The following KREMEN1 variants were observed in gnomAD, a reference collection of about 807,000 sequenced individuals.
KREMEN1 encodes kringle containing transmembrane protein 1.
Under a neutral mutation model 46.5 loss-of-function variants are expected in KREMEN1, and 30 were observed. The ratio of observed to expected loss-of-function variants is 0.65; its 90% CI spans 0.48 to 0.88. The LOEUF (loss-of-function observed/expected upper bound fraction) is 0.88, where lower values mean the gene tolerates loss of function less well. Ranked by LOEUF, KREMEN1 falls within the 40% of genes least tolerant of loss-of-function variation. The pLI is 0.00. For synonymous variants in KREMEN1, 214 were observed against 230.6 expected (o/e 0.93, Z 0.65); for missense variants, 533 against 596.9 (o/e 0.89, Z 1.11).
chr22:29,094,044 T>C (rs2037840549), intron 1 of KREMEN1, among the ~76,000 whole-genome samples: 2 of 152,222 alleles, frequency 1.3e-5, no homozygotes, highest in Admixed American at 6.5e-5. Flanking sequence ...CTAGTGTCTG[T>C]AGACAAGCTA....
chr22:29,076,696 C>CA (rs1442608422), intron 1 of KREMEN1, among the ~76,000 whole-genome samples: 1 of 151,902 alleles, frequency 6.6e-6, no homozygotes. Flanking sequence ...ACTAAAAATA[C>CA]AAAAAATTAG....
intron 3 of KREMEN1, among the ~76,000 whole-genome samples, chr22:29,109,077 A>C (rs1439210071): frequency 2.0e-5 from 3 of 152,102 alleles, no homozygotes; most frequent in African/African-American, 7.2e-5. Flanking sequence ...GGTGTGAGCC[A>C]CTCTGCCTGG....
intron 9 of KREMEN1, among the ~76,000 whole-genome samples, chr22:29,165,798 C>T (rs150241158): frequency 2.6e-5 from 4 of 152,306 alleles, no homozygotes; most frequent in East Asian, 1.9e-4. Context: ...GGCGGCAAGA[C>T]ATTGTGTTTC....
intron 1 of KREMEN1, among the ~76,000 whole-genome samples, chr22:29,078,116 C>G (rs887405918): frequency 6.6e-6 from 1 of 151,874 alleles, no homozygotes; most frequent in Non-Finnish European, 1.5e-5. Context: ...AAAAATAAAC[C>G]AAAATTAGAC....
At chr22:29,158,033 A>C (rs1331159227) in intron 9 of KREMEN1, among the ~76,000 whole-genome samples, 1 of 152,222 alleles carries the variant, frequency 6.6e-6, no homozygotes, top group Non-Finnish European at 1.5e-5. Context: ...AGTTGTGTAC[A>C]ATGAAATTAG....
intron 1 of KREMEN1, among the ~76,000 whole-genome samples, chr22:29,089,454 G>A (rs2037776666): frequency 1.3e-5 from 2 of 152,048 alleles, no homozygotes; most frequent in Admixed American, 6.6e-5. Flanking sequence ...CCACCCCACA[G>A]CTGCCAGCCT....
rs2038204724 is a variant in KREMEN1, at chr22:29,114,491, A to AAG, written c.353-6865_353-6864insGA. ...ACAAGAGTGAAACTCCGTGTCAAAAAAAAAAAAAAAAAAAAGGAGCGGAAG... is the reference window on the plus strand; with the variant it reads ...ACAAGAGTGAAACTCCGTGTCAAAAAAGAAAAAAAAAAAAAAAGGAGCGGAAG... On this transcript the variant is annotated intron_variant, in intron 3 of 8. Coordinates refer to ENST00000400335, the MANE Select transcript of KREMEN1 (RefSeq NM_001039570.3). Among the ~76,000 whole-genome samples the AAG allele has an allele frequency of 2.0e-5, 3 of 150,952 alleles. No individual in the cohort carries two copies. The Middle Eastern group carries it at 0.01, about 513-fold the overall frequency.
rs538847282 is a variant in KREMEN1 at position 29,130,715 on chromosome 22, G to T, written c.631+5299G>T. On this transcript the variant is annotated intron_variant, in intron 5 of 8. Coordinates refer to ENST00000400335, the MANE Select transcript of KREMEN1 (RefSeq NM_001039570.3). ...GCCTGAGGCTTCTTCCCAAAGAAAT[G>T]GACTCAGCTAGTATCGAGAAGGAGC... is the stretch of plus-strand genomic sequence containing the variant. Among the ~76,000 whole-genome samples the T allele has an allele frequency of 2.0e-5, 3 of 152,176 alleles. No homozygotes were observed. In the South Asian group the frequency reaches 6.2e-4, roughly 32 times the overall value.
At position 29,144,787 on chromosome 22, in the gene KREMEN1, A is replaced by G. The variant is rs1234143072; in HGVS notation, c.*2675A>G. The G allele has an allele frequency of 1.0e-6, 1 of 985,358 alleles. No homozygotes were observed. Among genetic ancestry groups the G allele is most frequent in the Non-Finnish European group, 1.2e-6 (1 of 829,960 alleles). The allele number at this position is 985,358 out of a possible 1,614,324, so 61.0% of individuals were successfully genotyped here. A position where few individuals can be genotyped will look rare whatever the true frequency, so the allele number is the denominator to read the frequency against. On this transcript the variant is annotated 3_prime_UTR_variant, in exon 9 of 9. Transcript: ENST00000400335. Reference sequence around the variant, plus strand: ...GGCCTCTGGGGTGTCCTGCAGCCCAAATGCCCACCTTGCCCTCCTCACATC... The same window carrying G: ...GGCCTCTGGGGTGTCCTGCAGCCCAGATGCCCACCTTGCCCTCCTCACATC...
chr22:29,123,246 A>G (rs960517357), intron 4 of KREMEN1, among the ~76,000 whole-genome samples: 19 of 152,208 alleles, frequency 1.2e-4, no homozygotes, highest in Middle Eastern at 3.4e-3. Context: ...TGCTCTGTGA[A>G]AGATATTTTT....
At chr22:29,077,134 G>A (rs1277866020) in intron 1 of KREMEN1, among the ~76,000 whole-genome samples, 1 of 152,142 alleles carries the variant, frequency 6.6e-6, no homozygotes, top group Non-Finnish European at 1.5e-5. Context: ...TAGAATTTTT[G>A]AGTCTGGAAA....
rs140305185 is a variant in KREMEN1 at position 29,108,398 on chromosome 22, A to G, written c.352+9445A>G. Among the ~76,000 whole-genome samples, 1,210 of 152,362 alleles carry G rather than the reference A, an allele frequency of 7.9e-3. 13 individuals carry two copies. Among genetic ancestry groups the G allele is most frequent in the Middle Eastern group, 0.037 (11 of 294 alleles). ...GAAAGAATGTGGACATCTGAGTCAC[A>G]CCCAGTTAGGTTTGAATCATTATCT... On this transcript the variant is annotated intron_variant, in intron 3 of 8. Coordinates refer to ENST00000400335, the MANE Select transcript of KREMEN1 (RefSeq NM_001039570.3).
At chr22:29,167,188 G>A (rs1010685334) in exon 10 of KREMEN1, 6 of 1,125,292 alleles carry the variant, frequency 5.3e-6, no homozygotes, top group South Asian at 1.3e-5. Context: ...GCCTCTCCTC[G>A]CACAGAAATG....
At chr22:29,167,335 A>G (rs74970432) in exon 10 of KREMEN1, 40,326 of 549,550 alleles carry the variant, frequency 0.073, 1,995 homozygotes, top group Non-Finnish European at 0.085. Context: ...CTCCAGCCTG[A>G]GCAGCAGAGC....
At position 29,120,758 on chromosome 22, in the gene KREMEN1, T is replaced by C. The variant is rs543785870; in HGVS notation, c.353-599T>C. 5.6e-5 allele frequency among the ~76,000 whole-genome samples: 8 copies of C among 142,358 alleles called. No individual in the cohort carries two copies. The South Asian group carries it at 1.6e-3, about 29-fold the overall frequency. 93.4% of individuals were successfully genotyped at this position (142,358 alleles called of 152,430 possible). A position where few individuals can be genotyped will look rare whatever the true frequency, so the allele number is the denominator to read the frequency against. On this transcript the variant is annotated intron_variant, in intron 3 of 8. Transcript: ENST00000400335. ...GCCTCTAGGAGGAACTTGGCTCCAC[T>C]AACACCTTGAGTTTAGACCCATAAG...
At chr22:29,132,709 G>A (rs935523382) in intron 5 of KREMEN1, among the ~76,000 whole-genome samples, 4 of 152,034 alleles carry the variant, frequency 2.6e-5, no homozygotes, top group African/African-American at 9.7e-5. Context: ...TTAGCATTTT[G>A]TCTAGTACAG....
intron 1 of KREMEN1, among the ~76,000 whole-genome samples, chr22:29,076,832 A>G (rs1012419069): frequency 1.3e-5 from 2 of 152,258 alleles, no homozygotes; most frequent in Non-Finnish European, 2.9e-5. Context: ...AGCCTGGGCA[A>G]TAAGAGCAAA....
chr22:29,157,885 G>C (rs1261568734), intron 9 of KREMEN1, among the ~76,000 whole-genome samples: 2 of 152,204 alleles, frequency 1.3e-5, no homozygotes, highest in Non-Finnish European at 2.9e-5. Flanking sequence ...GGCAGGTCAG[G>C]GGAGCAAACA....
intron 9 of KREMEN1, chr22:29,167,033 T>C (rs1283971787): frequency 6.4e-7 from 1 of 1,550,556 alleles, no homozygotes; most frequent in East Asian, 2.4e-5. Context: ...TTGTCCTTCC[T>C]ACCTTCCCAG....
Sources: allele counts gnomAD v4.1 joint callset (sites outside exome capture counted in the v4.1 genomes callset), GRCh38; gene constraint gnomAD v4.1.1; transcripts MANE v1.5; gene names NCBI Gene and HGNC (gene_info 2026-07-23, HGNC 2026-07-21).